TMPRSS15: variants seen among roughly 807,000 people sequenced by gnomAD.
The protein encoded by TMPRSS15 is transmembrane serine protease 15.
In TMPRSS15, 128 loss-of-function variants were observed where a neutral mutation model predicts 125.3. The observed-to-expected ratio is 1.02, with a 90% CI of 0.89 to 1.18. The LOEUF is 1.18. Ranked by LOEUF, TMPRSS15 falls within the 50% of genes most tolerant of loss-of-function variation. TMPRSS15 has a pLI of 0.00. For synonymous variants in TMPRSS15, 446 were observed against 423.2 expected (o/e 1.05, Z -0.66); for missense variants, 1,283 against 1,212.7 (o/e 1.06, Z -0.86).
intron 1 of TMPRSS15, among the ~76,000 whole-genome samples, chr21:18,478,181 G>A (rs556775163): frequency 6.6e-6 from 1 of 151,966 alleles, no homozygotes; most frequent in Non-Finnish European, 1.5e-5. Flanking sequence ...AACTAGAAAC[G>A]TTAAAGCAGC....
intron 24 of TMPRSS15, among the ~76,000 whole-genome samples, chr21:18,273,809 A>C (rs952642961): frequency 6.6e-6 from 1 of 152,196 alleles, no homozygotes; most frequent in African/African-American, 2.4e-5. Flanking sequence ...GAAAAAAGCC[A>C]TCCTATTTGT....
intron 7 of TMPRSS15, 79 bp downstream of exon 7, chr21:18,365,061 A>G: frequency 8.4e-7 from 1 of 1,192,200 alleles, no homozygotes; most frequent in Non-Finnish European, 1.2e-6. Flanking sequence ...TTCTTTAAAA[A>G]ACTACTGAAA....
intron 2 of TMPRSS15, 122 bp from the exon 3 acceptor site, chr21:18,398,068 T>A: frequency 2.4e-6 from 3 of 1,260,134 alleles, no homozygotes; most frequent in Non-Finnish European, 3.4e-6. Flanking sequence ...TCCATAGTAA[T>A]GGGGCTCATA....
At chr21:18,452,612 A>T (rs1978358513) in intron 1 of TMPRSS15, among the ~76,000 whole-genome samples, 1 of 152,204 alleles carries the variant, frequency 6.6e-6, no homozygotes, top group Non-Finnish European at 1.5e-5. Context: ...TTGAGGCTGA[A>T]GTGAGCTGTG....
chr21:18,372,179 G>C lies in TMPRSS15; in HGVS notation c.664+14C>G, dbSNP rs772541752. The C allele has an allele frequency of 1.9e-6, 3 of 1,607,088 alleles. No individual in the cohort carries two copies. The highest frequency in any genetic ancestry group is 1.7e-6 in the Non-Finnish European group (2 of 1,175,876). Reference sequence around the variant, plus strand: ...GATAAAACAGAAGGGGAGAGAGTAGGGGGGAGAACTTACCACACATTTTAT... The same window carrying C: ...GATAAAACAGAAGGGGAGAGAGTAGCGGGGAGAACTTACCACACATTTTAT... On this transcript the variant is annotated intron_variant, in intron 6 of 24. Coordinates refer to ENST00000284885, the MANE Select transcript of TMPRSS15 (RefSeq NM_002772.3).
At chr21:18,366,035 C>G (rs2075734340) in intron 6 of TMPRSS15, among the ~76,000 whole-genome samples, 1 of 151,996 alleles carries the variant, frequency 6.6e-6, no homozygotes, top group Non-Finnish European at 1.5e-5. Context: ...GCGCCATGCC[C>G]AAAAGCATTG....
intron 18 of TMPRSS15, among the ~76,000 whole-genome samples, chr21:18,300,338 C>T (rs1342531967): frequency 2.9e-5 from 4 of 136,928 alleles, no homozygotes; most frequent in Non-Finnish European, 4.6e-5. Context: ...TTCTTGCCTT[C>T]CTGCCTTCTT....
chr21:18,284,395 C>T (rs903691613), intron 21 of TMPRSS15, among the ~76,000 whole-genome samples: 1 of 152,184 alleles, frequency 6.6e-6, no homozygotes, highest in Non-Finnish European at 1.5e-5. Flanking sequence ...TTCTAGTTTC[C>T]ATTTCCAGAA....
chr21:18,282,812 T>C (rs748709124), intron 21 of TMPRSS15, among the ~76,000 whole-genome samples: 8 of 152,198 alleles, frequency 5.3e-5, no homozygotes, highest in African/African-American at 1.4e-4. Flanking sequence ...TGTCTGACTT[T>C]AGAGCCTGCA....
intron 1 of TMPRSS15, among the ~76,000 whole-genome samples, chr21:18,483,677 C>T (rs1300068707): frequency 6.6e-6 from 1 of 151,878 alleles, no homozygotes; most frequent in Non-Finnish European, 1.5e-5. Flanking sequence ...ATTATTTCAA[C>T]ATTTTTCCTT....
At chr21:18,387,676 G>A (rs948517184) in intron 3 of TMPRSS15, among the ~76,000 whole-genome samples, 3 of 150,832 alleles carry the variant, frequency 2.0e-5, no homozygotes, top group Non-Finnish European at 4.4e-5. Flanking sequence ...AATCATACAA[G>A]TTAGTAAGTG....
At chr21:18,379,802 G>A (rs1748228783) in intron 4 of TMPRSS15, among the ~76,000 whole-genome samples, 1 of 152,050 alleles carries the variant, frequency 6.6e-6, no homozygotes, top group Non-Finnish European at 1.5e-5. Flanking sequence ...CTTTCAAATA[G>A]AAAAGTATTA....
At chr21:18,410,165 G>A in intron 1 of TMPRSS15, among the ~76,000 whole-genome samples, 1 of 149,804 alleles carries the variant, frequency 6.7e-6, no homozygotes. Context: ...TTTTGAGGCA[G>A]GAGTATAAAT....
At chr21:18,452,665 G>A (rs536386281) in intron 1 of TMPRSS15, among the ~76,000 whole-genome samples, 8 of 152,120 alleles carry the variant, frequency 5.3e-5, no homozygotes, top group Admixed American at 2.0e-4. Flanking sequence ...AAAACAAAGA[G>A]ATTCAATACA....
chr21:18,345,756 A>AAAAAAAAAAAAAAAAAAAAAAAAAAAAAG (rs2075501603), intron 10 of TMPRSS15, among the ~76,000 whole-genome samples: 1 of 144,016 alleles, frequency 6.9e-6, no homozygotes, highest in Non-Finnish European at 1.5e-5. Context: ...AAAAAAAAAA[A>AAAAAAAAAAAAAAAAAAAAAAAAAAAAAG]AAAAAATCCA....
Position 18,393,101 on chromosome 21 carries a change from G to A in TMPRSS15, c.344+4778C>T, listed in dbSNP as rs141564463. Among the ~76,000 whole-genome samples the A allele has an allele frequency of 2.7e-3, 406 of 152,254 alleles. 1 individual carries two copies. The Middle Eastern group carries it at 0.027, about 10-fold the overall frequency. ...TGATGTGGCAGGACTGAGGCAGAAC[G>A]CTGTGTCGAGTTGGGGAGGAGAAAC... On this transcript the variant is annotated intron_variant, in intron 3 of 24. Transcript: ENST00000284885.
At chr21:18,331,757 G>A (rs369847354) in intron 14 of TMPRSS15, among the ~76,000 whole-genome samples, 3 of 152,036 alleles carry the variant, frequency 2.0e-5, no homozygotes, top group East Asian at 1.9e-4. Context: ...TTTAGAAAGC[G>A]GTGTCTGGAG....
chr21:18,412,933 A>G lies in TMPRSS15; in HGVS notation c.11-14604T>C, dbSNP rs2076169706. On this transcript the variant is annotated intron_variant, in intron 1 of 7. Coordinates refer to the TMPRSS15 transcript ENST00000422787. ...AAATTCCTTACATTAGATCCTTGGA[A>G]ACGTTGTGTAAAAATAAGATAAATT... is the stretch of plus-strand genomic sequence containing the variant. Among the ~76,000 whole-genome samples the G allele has an allele frequency of 1.3e-5, 2 of 152,300 alleles. 1 individual carries two copies. The highest frequency in any genetic ancestry group is 4.1e-4 in the South Asian group (2 of 4,824).
At chr21:18,286,499 T>C (rs2074767013) in intron 21 of TMPRSS15, among the ~76,000 whole-genome samples, 1 of 152,224 alleles carries the variant, frequency 6.6e-6, no homozygotes, top group Non-Finnish European at 1.5e-5. Context: ...TCCAATCTGA[T>C]TTCTTCCTGT....
Sources: gnomAD v4.1 joint callset for allele counts (sites outside exome capture counted in the v4.1 genomes callset) on GRCh38, gnomAD v4.1.1 for gene constraint, MANE v1.5 for transcripts, NCBI Gene and HGNC (gene_info 2026-07-23, HGNC 2026-07-21) for gene names.